The following ESPNL variants were observed in gnomAD, a reference collection of about 807,000 sequenced individuals.
ESPNL encodes the protein espin-like protein.
In ESPNL, 49 loss-of-function variants were observed where a neutral mutation model predicts 46.8. That is an observed-to-expected ratio of 1.05 (90% CI 0.83 to 1.33). The LOEUF (loss-of-function observed/expected upper bound fraction) is 1.33. Among genes scored for constraint, ESPNL ranks in the 40% most tolerant of loss-of-function variants. The pLI, the probability that ESPNL is intolerant of heterozygous loss-of-function variation, is 0.00. For synonymous variants in ESPNL, 664 were observed against 662.1 expected (o/e 1.00, Z -0.04); for missense variants, 1,540 against 1,436.6 (o/e 1.07, Z -1.16).
Position 238,104,702 on chromosome 2 carries a change from G to C in ESPNL, c.532G>C (p.Ala178Pro), listed in dbSNP as rs1422924388. Reference sequence around the variant, plus strand: ...CAGTGGCGCCTCCCCACTCTACCTGGCCTGCCAGGAGGGCCACCTGCACCT... The same window carrying C: ...CAGTGGCGCCTCCCCACTCTACCTGCCCTGCCAGGAGGGCCACCTGCACCT... The part of the protein sequence containing the change: ...TRSGASPLYL[A>P]CQEGHLHLAQ... The change falls in exon 3 of 9, where the codon GCC (alanine) becomes CCC (proline). Residue 178 changes from alanine (A) to proline (P), a missense_variant. Ala to Pro is a conservative substitution (Grantham distance 27). Transcript: ENST00000343063. 1.2e-6 allele frequency: 2 copies of C among 1,607,158 alleles called. No individual in the cohort carries two copies. Among genetic ancestry groups the C allele is most frequent in the Non-Finnish European group, 1.7e-6 (2 of 1,177,976 alleles).
intron 6 of ESPNL, among the ~76,000 whole-genome samples, chr2:238,126,794 TTG>T (rs747977490): frequency 1.3e-5 from 2 of 151,476 alleles, no homozygotes; most frequent in African/African-American, 4.9e-5. Flanking sequence ...GTGATTGTGT[TTG>T]TGTATGTCTG....
chr2:238,116,703 C>T (rs537634827), intron 4 of ESPNL, among the ~76,000 whole-genome samples, 200 bp from the exon 5 acceptor site: 1 of 152,338 alleles, frequency 6.6e-6, no homozygotes, highest in East Asian at 1.9e-4. Flanking sequence ...TGGGCCAGGA[C>T]AGGGTGGCTG....
intron 6 of ESPNL, among the ~76,000 whole-genome samples, chr2:238,126,669 T>C (rs1692128330): frequency 6.6e-6 from 1 of 151,880 alleles, no homozygotes. Context: ...TGATTGTGTC[T>C]GTGTGATTGT....
chr2:238,102,618 C>T (rs1410909298), intron 2 of ESPNL, among the ~76,000 whole-genome samples: 2 of 152,140 alleles, frequency 1.3e-5, no homozygotes, highest in African/African-American at 4.8e-5. Flanking sequence ...GGGCGCTGGC[C>T]TCATCGTCTC....
At chr2:238,122,088 GGTCGGGGCC>G (rs949335375) in intron 5 of ESPNL, among the ~76,000 whole-genome samples, 1 of 152,248 alleles carries the variant, frequency 6.6e-6, no homozygotes, top group African/African-American at 2.4e-5. Flanking sequence ...CAGCGACAGC[GGTCGGGGCC>G]GTGGGGCCAC....
At chr2:238,108,102 TCTAAGTGGCACTGTCACTTGC>T (rs1047718524) in intron 4 of ESPNL, 129 bp downstream of exon 4, 1 of 887,088 alleles carries the variant, frequency 1.1e-6, no homozygotes, top group African/African-American at 1.7e-5. Flanking sequence ...AAACTGAGGC[TCTAAGTGGCACTGTCACTTGC>T]CCAAGGTCAA....
Position 238,114,526 on chromosome 2 carries a change from C to T in ESPNL, c.856-2377C>T, listed in dbSNP as rs929684286. 6.6e-6 allele frequency among the ~76,000 whole-genome samples: 1 copy of T among 152,178 alleles called. No homozygotes were observed. Among genetic ancestry groups the T allele is most frequent in the Non-Finnish European group, 1.5e-5 (1 of 68,028 alleles). ...AGCGACTGGCTTCAGCGACCTGCCC[C>T]AGCCTCCCCAGCCCCGGTGTCCTTG... On this transcript the variant is annotated intron_variant, in intron 4 of 8. Coordinates refer to ENST00000343063, the MANE Select transcript of ESPNL (RefSeq NM_194312.4). This position sits in a 1 kb window ranked among gnomAD's most constrained non-coding sequence, Gnocchi z 5.0.
At chr2:238,128,042 T>G (rs569133498) in intron 7 of ESPNL, among the ~76,000 whole-genome samples, 2 of 152,302 alleles carry the variant, frequency 1.3e-5, no homozygotes, top group East Asian at 3.9e-4. Flanking sequence ...CGTGCCCGCT[T>G]GGAGTGCGGA....
intron 5 of ESPNL, among the ~76,000 whole-genome samples, chr2:238,124,073 G>A (rs1692045014): frequency 6.6e-6 from 1 of 152,252 alleles, no homozygotes; most frequent in Non-Finnish European, 1.5e-5. Flanking sequence ...AAAGGAGAAC[G>A]AATTTGAAGG....
rs564700635 is a variant in ESPNL at position 238,130,742 on chromosome 2, G to A, written c.2028G>A (p.Pro676=). Residue 676 remains proline (P), a synonymous_variant, in exon 9 of 9, where the codon CCG becomes CCA. Coordinates refer to ENST00000343063, the MANE Select transcript of ESPNL (RefSeq NM_194312.4). Reference sequence around the variant, plus strand: ...GCTTCAACCCTGGCCCCTGCGAGCCGGGGGCCCAGCACAGGCAGTGCCTGA... The same window carrying A: ...GCTTCAACCCTGGCCCCTGCGAGCCAGGGGCCCAGCACAGGCAGTGCCTGA... ...LCGFNPGPCE[P]GAQHRQCLSG... The A allele has an allele frequency of 8.4e-5, 131 of 1,563,160 alleles. No individual in the cohort carries two copies. The highest frequency in any genetic ancestry group is 6.0e-4 in the South Asian group (52 of 86,308).
chr2:238,126,859 CTGCGTGTGTGAT>C, intron 6 of ESPNL, among the ~76,000 whole-genome samples: 1 of 143,404 alleles, frequency 7.0e-6, no homozygotes, highest in South Asian at 2.3e-4. Flanking sequence ...GTGATTGTGT[CTGCGTGTGTGAT>C]TGTGTCTGTA....
At chr2:238,106,949 C>T (rs761719915) in intron 3 of ESPNL, among the ~76,000 whole-genome samples, 1 of 152,210 alleles carries the variant, frequency 6.6e-6, no homozygotes, top group Admixed American at 6.5e-5. Flanking sequence ...GCCCTGGCTG[C>T]GCTAGGAGGC....
In ESPNL at chr2:238,100,522, CT is replaced by C; in HGVS notation, c.104del (p.Leu35ArgfsTer98). 1 of 1,596,486 alleles carries C rather than the reference CT, an allele frequency of 6.3e-7. No homozygotes were observed. The highest frequency in any genetic ancestry group is 1.3e-5 in the African/African-American group (1 of 74,804). ...CCTGGGCCCGGGCATCACCGATGCT[CT>C]GGGGGCCGGCCTGGTTCACCACGCC... is the stretch of plus-strand genomic sequence containing the variant. ...GALGPGITDALGAGLVHHATR... is the reference protein window; with the variant it reads ...GALGPGITDAXGAGLVHHATR... On this transcript the variant is annotated frameshift_variant, in exon 1 of 9. Transcript: ENST00000343063. LOFTEE classifies it high-confidence loss of function.
At chr2:238,120,504 C>T (rs911166634) in intron 5 of ESPNL, among the ~76,000 whole-genome samples, 1 of 152,266 alleles carries the variant, frequency 6.6e-6, no homozygotes, top group African/African-American at 2.4e-5. Context: ...GTCCCCAGAC[C>T]CCGTGGTAGT....
Position 238,130,810 on chromosome 2 carries a change from C to T in ESPNL, c.2096C>T (p.Ala699Val), listed in dbSNP as rs1411124372. 1.3e-6 allele frequency: 2 copies of T among 1,544,616 alleles called. No homozygotes were observed. The highest frequency in any genetic ancestry group is 1.9e-5 in the Admixed American group (1 of 51,490). The change falls in exon 9 of 9, where the codon GCT becomes GTT. Residue 699 changes from alanine to valine, a missense_variant. Coordinates refer to ENST00000343063, the MANE Select transcript of ESPNL (RefSeq NM_194312.4). ...CTGCCTAAGCCCCGCAGTGGCCTGG[C>T]TTCAGGGGAGCCCAGGCCTGGCGAC... ...PALPKPRSGL[A>V]SGEPRPGDTE...
At position 238,130,856 on chromosome 2, in the gene ESPNL, T is replaced by A; in HGVS notation, c.2142T>A (p.Ser714=). 6.4e-7 allele frequency: 1 copy of A among 1,553,608 alleles called. No individual in the cohort carries two copies. Among genetic ancestry groups the A allele is most frequent in the East Asian group, 2.4e-5 (1 of 42,260 alleles). ...RPGDTEEASD[S]GISCEEVPSE... ...GCGACACAGAGGAGGCCAGCGACTC[T>A]GGCATCAGCTGCGAGGAGGTGCCAT... is the stretch of plus-strand genomic sequence containing the variant. The change falls in exon 9 of 9, where the codon TCT becomes TCA. Residue 714 remains serine (S), a synonymous_variant. Transcript: ENST00000343063.
At position 238,130,428 on chromosome 2, in the gene ESPNL, G is replaced by T; in HGVS notation, c.1714G>T (p.Glu572Ter). 6.2e-7 allele frequency: 1 copy of T among 1,607,506 alleles called. No homozygotes were observed. Among genetic ancestry groups the T allele is most frequent in the Non-Finnish European group, 8.5e-7 (1 of 1,177,836 alleles). The change falls in exon 9 of 9, where the codon GAG becomes TAG. Residue 572 changes from glutamate to a stop codon, truncating the protein, a stop_gained. Transcript: ENST00000343063. LOFTEE classifies it low-confidence loss of function (END_TRUNC). ...EVEEASIPAAEPAGSAEASEV... is the reference protein window; with the variant it reads ...EVEEASIPAA ...TGAGGAGGCCTCAATCCCAGCGGCT[G>T]AGCCCGCAGGGTCTGCGGAGGCCTC... is the stretch of plus-strand genomic sequence containing the variant.
intron 8 of ESPNL, 118 bp from the exon 9 acceptor site, chr2:238,130,010 C>T: frequency 8.4e-7 from 1 of 1,194,292 alleles, no homozygotes; most frequent in Non-Finnish European, 1.2e-6. Context: ...TAAAGTCTTA[C>T]CTTGGGGCAG....
intron 3 of ESPNL, among the ~76,000 whole-genome samples, chr2:238,105,216 C>T (rs1181702878): frequency 6.6e-6 from 1 of 152,102 alleles, no homozygotes; most frequent in African/African-American, 2.4e-5. Flanking sequence ...CTTGTTCAGG[C>T]CCTGCCGCCT....
Sources: allele counts gnomAD v4.1 joint callset (sites outside exome capture counted in the v4.1 genomes callset), GRCh38; gene constraint gnomAD v4.1.1; non-coding constraint Gnocchi (gnomAD v3.1); transcripts MANE v1.5; gene names NCBI Gene and HGNC (gene_info 2026-07-23, HGNC 2026-07-21).